The following PTCHD4 variants were observed in gnomAD, a reference collection of about 807,000 sequenced individuals.
PTCHD4 encodes patched domain containing 4, also known as patched domain-containing protein 4.
A neutral mutation model predicts 58.1 loss-of-function variants in PTCHD4; 33 were observed. That is an observed-to-expected ratio of 0.57 (90% confidence interval 0.43 to 0.76). PTCHD4 has a LOEUF of 0.76. Ranked by LOEUF, PTCHD4 falls within the 30% of genes least tolerant of loss-of-function variation. The pLI is 0.00. For synonymous variants in PTCHD4, 478 were observed against 409.6 expected, an observed-to-expected ratio of 1.17 and a Z score of -2.02; for missense variants, 1,058 against 1,027.1, an observed-to-expected ratio of 1.03 and a Z score of -0.41.
chr6:47,955,773 TG>T (rs1766835868), intron 4 of PTCHD4, among the ~76,000 whole-genome samples: 1 of 152,150 alleles, frequency 6.6e-6, no homozygotes, highest in South Asian at 2.1e-4. Flanking sequence ...ACAGAATAAT[TG>T]TGGTTTACTA....
At chr6:47,951,878 A>G (rs1766667684) in intron 4 of PTCHD4, among the ~76,000 whole-genome samples, 2 of 152,170 alleles carry the variant, frequency 1.3e-5, no homozygotes, top group African/African-American at 2.4e-5. Context: ...GGATAGAGAT[A>G]TTATATAACA....
intron 4 of PTCHD4, among the ~76,000 whole-genome samples, chr6:47,999,155 G>A (rs1385559263): frequency 1.3e-5 from 2 of 152,198 alleles, no homozygotes; most frequent in African/African-American, 4.8e-5. Flanking sequence ...TGGAAGAGAT[G>A]TTAAAATACA....
At chr6:47,981,635 A>G (rs1767886572) in intron 4 of PTCHD4, among the ~76,000 whole-genome samples, 1 of 152,184 alleles carries the variant, frequency 6.6e-6, no homozygotes, top group South Asian at 2.1e-4. Flanking sequence ...TCTTTACTAA[A>G]TAGAGGCAAT....
At chr6:48,064,167 G>A (rs758761874) in intron 3 of PTCHD4, among the ~76,000 whole-genome samples, 1 of 152,148 alleles carries the variant, frequency 6.6e-6, no homozygotes, top group Non-Finnish European at 1.5e-5. Context: ...CCGTTGGCCA[G>A]GATGTTGGGA....
chr6:47,944,586 A>G (rs1581914676), intron 4 of PTCHD4, among the ~76,000 whole-genome samples: 1 of 152,124 alleles, frequency 6.6e-6, no homozygotes, highest in East Asian at 1.9e-4. Flanking sequence ...TAAGAATTCT[A>G]CTAGAAAACC....
At chr6:47,968,282 T>G (rs1312397905) in intron 4 of PTCHD4, among the ~76,000 whole-genome samples, 1 of 152,162 alleles carries the variant, frequency 6.6e-6, no homozygotes, top group Non-Finnish European at 1.5e-5. Context: ...TTGATTAAGT[T>G]TGATGTCTTA....
intron 4 of PTCHD4, among the ~76,000 whole-genome samples, chr6:47,970,346 G>A (rs1393037274): frequency 6.6e-6 from 1 of 152,188 alleles, no homozygotes; most frequent in Admixed American, 6.5e-5. Context: ...AAGCAGGTGG[G>A]AGAGTGGTAA....
Position 47,858,858 on chromosome 6 carries a change from T to C in PTCHD4, c.*19445A>G, listed in dbSNP as rs890136916. On this transcript the variant is annotated 3_prime_UTR_variant, in exon 5 of 5. Coordinates refer to ENST00000339488, the MANE Select transcript of PTCHD4 (RefSeq NM_001384253.1). ...GTACAGAATATGCTTCCTATAATCC[T>C]TCTTGAATCTATGAATTTAAACTAC... 6.6e-5 allele frequency among the ~76,000 whole-genome samples: 10 copies of C among 152,188 alleles called. No homozygotes were observed. In the East Asian group the frequency reaches 1.9e-3, roughly 30 times the overall value.
chr6:47,954,424 T>A (rs965086212), intron 4 of PTCHD4, among the ~76,000 whole-genome samples: 1 of 152,164 alleles, frequency 6.6e-6, no homozygotes, highest in Non-Finnish European at 1.5e-5. Flanking sequence ...ATCCTAAACT[T>A]TTCCTTCATA....
At chr6:47,966,645 T>A (rs1191800331) in intron 4 of PTCHD4, among the ~76,000 whole-genome samples, 1 of 152,238 alleles carries the variant, frequency 6.6e-6, no homozygotes, top group Non-Finnish European at 1.5e-5. Flanking sequence ...GCTTTCTCAA[T>A]TTAATTTATG....
chr6:47,927,364 G>A lies in PTCHD4; in HGVS notation c.899-47428C>T, dbSNP rs954246137. On this transcript the variant is annotated intron_variant, in intron 4 of 4. Transcript: ENST00000339488. ...CAGTCCCTCCGTAGCCTATCTGCAA[G>A]ATGCTGAAATAGGCACTCATTCCCT... Among the ~76,000 whole-genome samples the A allele has an allele frequency of 2.0e-5, 3 of 152,148 alleles. No individual in the cohort carries two copies. The East Asian group carries it at 5.8e-4, about 29-fold the overall frequency.
chr6:47,949,868 T>A (rs760016323), intron 4 of PTCHD4, among the ~76,000 whole-genome samples: 13 of 151,620 alleles, frequency 8.6e-5, no homozygotes, highest in Non-Finnish European at 1.9e-4. Context: ...GGAACTTGGA[T>A]TGTTTTTTTT....
intron 1 of PTCHD4, among the ~76,000 whole-genome samples, chr6:48,102,783 C>T (rs555351558): frequency 6.6e-6 from 1 of 152,370 alleles, no homozygotes; most frequent in Admixed American, 6.5e-5. Context: ...ACAGGCTTAA[C>T]AAACGACACA....
chr6:48,103,475 A>G (rs2113914999), intron 1 of PTCHD4, among the ~76,000 whole-genome samples: 1 of 152,266 alleles, frequency 6.6e-6, no homozygotes, highest in African/African-American at 2.4e-5. Flanking sequence ...TCAAAGACCA[A>G]AGGTAGATAA....
chr6:48,080,228 C>T (rs920210819), intron 1 of PTCHD4, among the ~76,000 whole-genome samples: 2 of 152,006 alleles, frequency 1.3e-5, no homozygotes, highest in African/African-American at 4.8e-5. Flanking sequence ...TCTACTATGA[C>T]CTTGGCAAAT....
At chr6:48,079,625 A>G (rs1392104336) in intron 1 of PTCHD4, among the ~76,000 whole-genome samples, 1 of 151,112 alleles carries the variant, frequency 6.6e-6, no homozygotes, top group Non-Finnish European at 1.5e-5. Context: ...GTTCTAATCT[A>G]GTAGGGCGGA....
At chr6:47,915,623 C>T (rs1462365447) in intron 4 of PTCHD4, among the ~76,000 whole-genome samples, 2 of 144,336 alleles carry the variant, frequency 1.4e-5, no homozygotes, top group Non-Finnish European at 3.0e-5. Flanking sequence ...AGAGTGAAAA[C>T]TAAAAGGCAC....
At chr6:47,964,964 T>A (rs558347566) in intron 4 of PTCHD4, among the ~76,000 whole-genome samples, 14 of 152,314 alleles carry the variant, frequency 9.2e-5, no homozygotes, top group Admixed American at 6.5e-5. Context: ...ATAAAATACT[T>A]TCTGGGGTAT....
At chr6:48,072,265 A>G (rs1231518641) in intron 1 of PTCHD4, among the ~76,000 whole-genome samples, 1 of 152,102 alleles carries the variant, frequency 6.6e-6, no homozygotes, top group African/African-American at 2.4e-5. Flanking sequence ...TCATCCAGCC[A>G]GTCTTTTATT....
Sources: allele counts gnomAD v4.1 joint callset (sites outside exome capture counted in the v4.1 genomes callset), GRCh38; gene constraint gnomAD v4.1.1; transcripts MANE v1.5; gene names NCBI Gene and HGNC (gene_info 2026-07-23, HGNC 2026-07-21).